SMYD3: variants seen among roughly 807,000 people sequenced by gnomAD.
The protein encoded by SMYD3 is histone-lysine N-methyltransferase SMYD3.
SMYD3 carries 36 observed loss-of-function variants against 57.7 expected under a neutral mutation model. That is an observed-to-expected ratio of 0.62 (90% CI 0.48 to 0.82). The LOEUF (loss-of-function observed/expected upper bound fraction) is 0.82. Among genes scored for constraint, SMYD3 ranks in the 40% least tolerant of loss-of-function variants. The pLI is 0.00. For missense variants in SMYD3, 515 were observed against 538.8 expected (o/e 0.96, Z 0.44); for synonymous variants, 211 against 195.0 (o/e 1.08, Z -0.68).
intron 5 of SMYD3, among the ~76,000 whole-genome samples, chr1:246,208,464 C>G (rs544909961): frequency 6.6e-6 from 1 of 152,154 alleles, no homozygotes; most frequent in Non-Finnish European, 1.5e-5. Context: ...AATACACTTC[C>G]CCAGTACTCA....
intron 5 of SMYD3, among the ~76,000 whole-genome samples, chr1:245,960,086 C>G (rs1410289990): frequency 2.6e-5 from 4 of 152,288 alleles, no homozygotes; most frequent in Admixed American, 2.6e-4. Flanking sequence ...GGCCACATAT[C>G]TTTTTATTTT....
At chr1:246,506,864 G>A (rs1296217781) in intron 1 of SMYD3, among the ~76,000 whole-genome samples, 190 bp downstream of exon 1, 1 of 152,094 alleles carries the variant, frequency 6.6e-6, no homozygotes, top group African/African-American at 2.4e-5. Flanking sequence ...GCAACCTAGG[G>A]GGGTGTCCGG....
chr1:246,068,280 G>T (rs1275100856), intron 5 of SMYD3, among the ~76,000 whole-genome samples: 4 of 134,080 alleles, frequency 3.0e-5, no homozygotes, highest in African/African-American at 1.3e-4. Flanking sequence ...CAAACTACAG[G>T]TCAGCAAAAA....
intron 5 of SMYD3, among the ~76,000 whole-genome samples, chr1:246,211,644 T>C (rs78428844): frequency 0.014 from 2,173 of 152,030 alleles, 55 homozygotes; most frequent in African/African-American, 0.049. Flanking sequence ...GGGGAAGAGG[T>C]AGTAATTTTT....
chr1:245,849,495 C>T (rs575352686), intron 10 of SMYD3, among the ~76,000 whole-genome samples: 1 of 152,224 alleles, frequency 6.6e-6, no homozygotes, highest in African/African-American at 2.4e-5. Context: ...TCAGGTGGCA[C>T]TGCCACTTAG....
intron 5 of SMYD3, among the ~76,000 whole-genome samples, chr1:245,933,676 T>C (rs992154648): frequency 6.6e-6 from 1 of 152,206 alleles, no homozygotes; most frequent in African/African-American, 2.4e-5. Flanking sequence ...TAGACACAAA[T>C]AGCAAAATCA....
intron 5 of SMYD3, among the ~76,000 whole-genome samples, chr1:245,961,182 C>T (rs114872013): frequency 6.2e-4 from 95 of 152,282 alleles, no homozygotes; most frequent in African/African-American, 2.3e-3. Context: ...CACAAAGGCA[C>T]TTCTCTGTAC....
At chr1:246,285,620 A>C (rs2064544350) in intron 5 of SMYD3, among the ~76,000 whole-genome samples, 2 of 152,232 alleles carry the variant, frequency 1.3e-5, no homozygotes. Context: ...AAGCAAATGC[A>C]ACAAAAACAA....
Position 245,775,209 on chromosome 1 carries a change from G to A in SMYD3, c.1077-11060C>T, listed in dbSNP as rs546350670. 2.6e-3 allele frequency among the ~76,000 whole-genome samples: 396 copies of A among 152,322 alleles called. 4 individuals carry two copies. The highest frequency in any genetic ancestry group is 8.9e-3 in the African/African-American group (368 of 41,570). The stretch of plus-strand genomic sequence containing the variant: ...CCCCACCCGGCCAGCCGCCCTGTCC[G>A]GGAGGTGTACGCAGCAGGTCATTGA... On this transcript the variant is annotated intron_variant, in intron 10 of 11. Coordinates refer to ENST00000490107, the MANE Select transcript of SMYD3 (RefSeq NM_001167740.2).
At chr1:245,945,105 A>C (rs960456168) in intron 5 of SMYD3, among the ~76,000 whole-genome samples, 7 of 152,210 alleles carry the variant, frequency 4.6e-5, no homozygotes, top group Admixed American at 3.9e-4. Context: ...AAAACATCAA[A>C]AGCAATTGCA....
At chr1:246,149,460 G>T (rs1182433294) in intron 5 of SMYD3, among the ~76,000 whole-genome samples, 1 of 152,060 alleles carries the variant, frequency 6.6e-6, no homozygotes, top group African/African-American at 2.4e-5. Context: ...TAAAGAGAAA[G>T]GTATCAGATT....
chr1:246,365,214 C>T (rs1383815778), intron 1 of SMYD3, among the ~76,000 whole-genome samples: 1 of 150,824 alleles, frequency 6.6e-6, no homozygotes, highest in South Asian at 2.1e-4. Context: ...AAGAGTTAGA[C>T]ATTATAAATT....
chr1:246,339,617 T>C (rs973572160), intron 2 of SMYD3, among the ~76,000 whole-genome samples: 15 of 152,198 alleles, frequency 9.9e-5, no homozygotes, highest in African/African-American at 3.6e-4. Context: ...CCCTAGGGAT[T>C]CTGACACTAC....
Position 246,329,011 on chromosome 1 carries a change from G to T in SMYD3, c.394+1469C>A, listed in dbSNP as rs533757991. ...CAATTTCATCCATGTCCCTACAAAG[G>T]ACATGAACTCATCATTTTTTATGGA... On this transcript the variant is annotated intron_variant, in intron 4 of 11. Transcript: ENST00000490107. Among the ~76,000 whole-genome samples the T allele has an allele frequency of 5.7e-3, 875 of 152,260 alleles. 12 individuals carry two copies. The highest frequency in any genetic ancestry group is 0.02 in the African/African-American group (813 of 41,544).
At position 246,280,339 on chromosome 1, in the gene SMYD3, C is replaced by T. The variant is rs191108686; in HGVS notation, c.531+46862G>A. On this transcript the variant is annotated intron_variant, in intron 5 of 11. Transcript: ENST00000490107. ...TGCACATGATATAGTCAGGCTTTTTCTAGCACTTGTCAGTACAAGCCAGTT... is the reference window on the plus strand; with the variant it reads ...TGCACATGATATAGTCAGGCTTTTTTTAGCACTTGTCAGTACAAGCCAGTT... 4.6e-5 allele frequency among the ~76,000 whole-genome samples: 7 copies of T among 152,332 alleles called. No individual in the cohort carries two copies. The East Asian group carries it at 1.3e-3, about 29-fold the overall frequency.
At position 245,764,123 on chromosome 1, in the gene SMYD3, AC is replaced by A; in HGVS notation, c.1102del (p.Val368SerfsTer6). The A allele has an allele frequency of 6.2e-7, 1 of 1,614,002 alleles. No homozygotes were observed. The highest frequency in any genetic ancestry group is 1.1e-5 in the South Asian group (1 of 91,044). On this transcript the variant is annotated frameshift_variant, in exon 11 of 12. Coordinates refer to ENST00000490107, the MANE Select transcript of SMYD3 (RefSeq NM_001167740.2). LOFTEE classifies it high-confidence loss of function. ...AACTTTCATCACTTGAACCCCTCTGACGGGATGGCTTCCTGGGAAAAAAATC... is the reference window on the plus strand; with the variant it reads ...AACTTTCATCACTTGAACCCCTCTGAGGGATGGCTTCCTGGGAAAAAAATC... ...YRIFFPGSHPVRGVQVMKVGK... is the reference protein window; with the variant it reads ...YRIFFPGSHPXRGVQVMKVGK...
At chr1:246,191,226 C>T (rs943729292) in intron 5 of SMYD3, among the ~76,000 whole-genome samples, 2 of 152,154 alleles carry the variant, frequency 1.3e-5, no homozygotes, top group Non-Finnish European at 2.9e-5. Context: ...GGCCCTTCTG[C>T]GAGGGTCTGG....
intron 5 of SMYD3, among the ~76,000 whole-genome samples, chr1:246,300,100 T>C (rs535056537): frequency 3.9e-5 from 6 of 152,114 alleles, no homozygotes; most frequent in Non-Finnish European, 7.4e-5. Flanking sequence ...ATACGTGGTA[T>C]GCATGTAGCT....
intron 5 of SMYD3, among the ~76,000 whole-genome samples, chr1:246,038,725 T>C (rs6665271): frequency 0.46 from 70,237 of 152,046 alleles, 18,468 homozygotes; most frequent in East Asian, 0.96. Flanking sequence ...TTCTTACAAC[T>C]AGGGGATCTC....
Sources: allele counts gnomAD v4.1 joint callset (sites outside exome capture counted in the v4.1 genomes callset), GRCh38; gene constraint gnomAD v4.1.1; transcripts MANE v1.5; gene names NCBI Gene and HGNC (gene_info 2026-07-23, HGNC 2026-07-21).